TRMT44: variants seen among roughly 807,000 people sequenced by gnomAD.
The protein encoded by TRMT44 is tRNA methyltransferase 44 homolog.
In TRMT44, 78 loss-of-function variants were observed where a neutral mutation model predicts 77.3. The ratio of observed to expected loss-of-function variants is 1.01; its 90% CI spans 0.84 to 1.22. The LOEUF is 1.22. Among genes scored for constraint, TRMT44 ranks in the 50% most tolerant of loss-of-function variants. The probability of loss-of-function intolerance (pLI) is 0.00; values close to 1 mark genes in which losing one functional copy is unlikely to be tolerated. For missense variants in TRMT44, 1,090 were observed against 964.4 expected (o/e 1.13, Z -1.73); for synonymous variants, 391 against 383.3 (o/e 1.02, Z -0.23).
At chr4:8,488,787 ACT>A (rs1727901091) in intron 2 of TRMT44, among the ~76,000 whole-genome samples, 2 of 152,064 alleles carry the variant, frequency 1.3e-5, no homozygotes, top group South Asian at 4.1e-4. Flanking sequence ...TTCTCGGCAG[ACT>A]CTTCAGCTGA....
rs368226502 is a variant in TRMT44, at chr4:8,474,034, C to G, written c.2045-1738C>G. Among the ~76,000 whole-genome samples, 4 of 152,206 alleles carry G rather than the reference C, an allele frequency of 2.6e-5. No homozygotes were observed. In the East Asian group the frequency reaches 7.7e-4, roughly 29 times the overall value. On this transcript the variant is annotated intron_variant, in intron 10 of 10. Transcript: ENST00000389737. ...TTGGGTGTGCTCTTAACTCCGGAGC[C>G]GCGTGGGAGGGCCTGCCGCCAGCTG...
intron 6 of TRMT44, among the ~76,000 whole-genome samples, chr4:8,463,617 C>T (rs1159551835): frequency 6.6e-6 from 1 of 152,226 alleles, no homozygotes; most frequent in East Asian, 1.9e-4. Context: ...TCACTTCCTC[C>T]GAAGCCATTG....
chr4:8,505,419 C>T, the TRMT44 span, among the ~76,000 whole-genome samples: 1 of 152,170 alleles, frequency 6.6e-6, no homozygotes, highest in Non-Finnish European at 1.5e-5. Flanking sequence ...GCCACCTTGA[C>T]CTCCCAGCAC....
In TRMT44 at chr4:8,446,493, A is replaced by G. The variant is rs1253972741; in HGVS notation, c.637A>G (p.Ile213Val). The G allele has an allele frequency of 1.3e-6, 2 of 1,536,166 alleles. No individual in the cohort carries two copies. Among genetic ancestry groups the G allele is most frequent in the East Asian group, 2.4e-5 (1 of 40,932 alleles). The change falls in exon 2 of 11, where the codon ATA becomes GTA. Residue 213 changes from isoleucine (I) to valine (V), a missense_variant. Physicochemically the swap from Ile to Val is conservative, Grantham distance 29 (BLOSUM62 3). Coordinates refer to ENST00000389737, the MANE Select transcript of TRMT44 (RefSeq NM_152544.3). The surrounding 1 kb of genome is among the most constrained non-coding windows in gnomAD (Gnocchi z 4.3). ...CTTTCCAGATGTCCTCAATGGAACC[A>G]TAACGTTTTTGCCTTTGGAAGAAGA... Reference protein sequence around the residue: ...IVVQDVLNGTITFLPLEEDDE... With the variant: ...IVVQDVLNGTVTFLPLEEDDE...
chr4:8,489,035 T>C (rs556811702), intron 2 of TRMT44, among the ~76,000 whole-genome samples: 2 of 152,314 alleles, frequency 1.3e-5, no homozygotes, highest in South Asian at 4.1e-4. Context: ...AAGAGGAGGA[T>C]GTGCAGGAGT....
chr4:8,513,239 T>A, the TRMT44 span, among the ~76,000 whole-genome samples: 6 of 152,222 alleles, frequency 3.9e-5, no homozygotes, highest in Non-Finnish European at 7.3e-5. Context: ...CTCACAATCA[T>A]GGCAGAAGGC....
At chr4:8,492,261 A>T (rs1358757988) in intron 2 of TRMT44, among the ~76,000 whole-genome samples, 1 of 152,140 alleles carries the variant, frequency 6.6e-6, no homozygotes, top group Non-Finnish European at 1.5e-5. Context: ...AACGATCCTC[A>T]AATCATGTAA....
the TRMT44 span, among the ~76,000 whole-genome samples, chr4:8,498,749 G>A: frequency 6.6e-6 from 1 of 152,150 alleles, no homozygotes. The surrounding 1 kb of genome is among the most constrained non-coding windows in gnomAD (Gnocchi z 4.3). Flanking sequence ...CTGGCTGATG[G>A]TCTGTGAGTA....
In TRMT44 at chr4:8,476,472, G is replaced by C. The variant is rs908375452; in HGVS notation, c.*471G>C. ...CTCTGGAGCAGGGATCCACCAGATT[G>C]GTATTTTTAAAAAAGGTGTCAGGCT... On this transcript the variant is annotated 3_prime_UTR_variant, in exon 11 of 11. Coordinates refer to ENST00000389737, the MANE Select transcript of TRMT44 (RefSeq NM_152544.3). 2.5e-5 allele frequency: 4 copies of C among 162,876 alleles called. No individual in the cohort carries two copies. Among genetic ancestry groups the C allele is most frequent in the Admixed American group, 2.3e-4 (4 of 17,454 alleles). 10.1% of individuals were successfully genotyped at this position (162,876 alleles called of 1,614,324 possible).
chr4:8,464,795 A>G (rs1436642405), intron 7 of TRMT44, among the ~76,000 whole-genome samples: 1 of 152,252 alleles, frequency 6.6e-6, no homozygotes, highest in Non-Finnish European at 1.5e-5. Flanking sequence ...ATTCTATTGA[A>G]AAGATATACT....
chr4:8,503,427 AG>A, the TRMT44 span, among the ~76,000 whole-genome samples: 1 of 152,234 alleles, frequency 6.6e-6, no homozygotes, highest in Admixed American at 6.5e-5. Flanking sequence ...CCAGGTGTGG[AG>A]GACACTGGGC....
chr4:8,446,739 G>A lies in TRMT44; in HGVS notation c.734+149G>A. The stretch of plus-strand genomic sequence containing the variant: ...ATGCAGTTGCTAGCTTATGTGCCCA[G>A]GCCATGTTGCTCTTCCTGTTGGTGC... On this transcript the variant is annotated intron_variant, in intron 2 of 10. Coordinates refer to ENST00000389737, the MANE Select transcript of TRMT44 (RefSeq NM_152544.3). The surrounding 1 kb of genome is among the most constrained non-coding windows in gnomAD (Gnocchi z 4.3). 1.7e-6 allele frequency: 1 copy of A among 578,444 alleles called. No homozygotes were observed. Among genetic ancestry groups the A allele is most frequent in the Non-Finnish European group, 3.0e-6 (1 of 335,822 alleles). 35.8% of individuals were successfully genotyped at this position (578,444 alleles called of 1,614,324 possible). A position where few individuals can be genotyped will look rare whatever the true frequency, so the allele number is the denominator to read the frequency against.
rs115439381 is a variant in TRMT44, at chr4:8,484,670, A to G, written n.3891+5137A>G. On this transcript the variant is annotated intron_variant and non_coding_transcript_variant, in intron 2 of 2. Transcript: ENST00000511366. ...GAGAGCTAGAGAGGGGGCAGTTTCT[A>G]AAGTTGTCTTCAAGGAACAGAAAGA... Among the ~76,000 whole-genome samples the G allele has an allele frequency of 4.5e-3, 690 of 152,306 alleles. 6 individuals carry two copies. The highest frequency in any genetic ancestry group is 0.014 in the Middle Eastern group (4 of 294).
chr4:8,513,721 G>C, the TRMT44 span, among the ~76,000 whole-genome samples: 85 of 152,094 alleles, frequency 5.6e-4, no homozygotes, highest in African/African-American at 1.9e-3. Flanking sequence ...AATGGATAAA[G>C]GTTTTTAAAA....
At chr4:8,493,333 C>T (rs377225169) in exon 3 of TRMT44, 9 of 152,294 alleles carry the variant, frequency 5.9e-5, no homozygotes, top group African/African-American at 2.2e-4. Context: ...TCTTGTGGCC[C>T]CCACCCAGGA....
chr4:8,476,721 G>C (rs1050934029), downstream of TRMT44: 1 of 151,492 alleles, frequency 6.6e-6, no homozygotes, highest in Non-Finnish European at 1.5e-5. Context: ...AGTCCTTCCA[G>C]AAAAAAAAAT....
At chr4:8,450,775 C>T (rs1311528820) in intron 3 of TRMT44, among the ~76,000 whole-genome samples, 2 of 146,142 alleles carry the variant, frequency 1.4e-5, no homozygotes, top group Non-Finnish European at 3.0e-5. Context: ...GGAGTAACCA[C>T]AATTTGTCAT....
chr4:8,468,523 G>A (rs1726761435), intron 9 of TRMT44, 177 bp downstream of exon 9: 1 of 640,482 alleles, frequency 1.6e-6, no homozygotes, highest in Admixed American at 2.9e-5. Flanking sequence ...TTTCCAAATA[G>A]CTCTTATAAA....
chr4:8,512,608 T>G, the TRMT44 span: 9 of 152,380 alleles, frequency 5.9e-5, no homozygotes, highest in Admixed American at 5.9e-4. Context: ...ATGTCCTTTT[T>G]GTACGCCTGA....
Sources: allele counts gnomAD v4.1 joint callset (sites outside exome capture counted in the v4.1 genomes callset), GRCh38; gene constraint gnomAD v4.1.1; non-coding constraint Gnocchi (gnomAD v3.1); transcripts MANE v1.5; gene names NCBI Gene and HGNC (gene_info 2026-07-23, HGNC 2026-07-21).